The following DPYD variants were observed in gnomAD, a reference collection of about 807,000 sequenced individuals.
DPYD encodes the protein dihydropyrimidine dehydrogenase [NADP(+)].
Under a neutral mutation model 116.2 loss-of-function variants are expected in DPYD, and 109 were observed. The ratio of observed to expected loss-of-function variants is 0.94; its 90% CI spans 0.80 to 1.10. The LOEUF (loss-of-function observed/expected upper bound fraction) is 1.10, where lower values mean the gene tolerates loss of function less well. Ranked by LOEUF, DPYD falls within the 50% of genes least tolerant of loss-of-function variation. The probability of loss-of-function intolerance (pLI) is 0.00; values close to 1 mark genes in which losing one functional copy is unlikely to be tolerated. For synonymous variants in DPYD, 440 were observed against 432.0 expected (o/e 1.02, Z -0.23); for missense variants, 1,302 against 1,254.5 (o/e 1.04, Z -0.57).
intron 18 of DPYD, among the ~76,000 whole-genome samples, chr1:97,260,820 T>C (rs967240033): frequency 6.6e-6 from 1 of 152,090 alleles, no homozygotes; most frequent in Admixed American, 6.6e-5. Context: ...CATAACTATA[T>C]AATGTACGAA....
chr1:97,135,629 T>C (rs1178484194), intron 20 of DPYD, among the ~76,000 whole-genome samples: 2 of 152,210 alleles, frequency 1.3e-5, no homozygotes, highest in African/African-American at 4.8e-5. Context: ...CCTGTGTTCC[T>C]CATTTGACCC....
At chr1:97,161,508 A>G (rs1378805719) in intron 20 of DPYD, among the ~76,000 whole-genome samples, 2 of 152,150 alleles carry the variant, frequency 1.3e-5, no homozygotes, top group Non-Finnish European at 2.9e-5. Flanking sequence ...TATACTTGGA[A>G]TATACAGAGA....
At chr1:97,173,495 T>C (rs544042982) in intron 20 of DPYD, among the ~76,000 whole-genome samples, 180 of 150,638 alleles carry the variant, frequency 1.2e-3, no homozygotes, top group African/African-American at 4.1e-3. Context: ...TATACACGCA[T>C]ATATAAAATA....
At chr1:97,697,635 A>G (rs540425674) in intron 6 of DPYD, among the ~76,000 whole-genome samples, 1 of 152,066 alleles carries the variant, frequency 6.6e-6, no homozygotes, top group Admixed American at 6.5e-5. Context: ...ACAACTTTAA[A>G]AGAAAAACCA....
intron 14 of DPYD, among the ~76,000 whole-genome samples, chr1:97,395,296 T>C (rs1434548095): frequency 6.6e-6 from 1 of 151,942 alleles, no homozygotes; most frequent in Admixed American, 6.6e-5. Context: ...AAGTACATTT[T>C]ATATCAAAAA....
chr1:97,456,468 G>C (rs1319051255), intron 13 of DPYD, among the ~76,000 whole-genome samples: 2 of 151,958 alleles, frequency 1.3e-5, no homozygotes, highest in African/African-American at 2.4e-5. Flanking sequence ...TCATATGATA[G>C]AATATAGCTC....
chr1:97,501,368 T>C (rs2101931450), intron 13 of DPYD, among the ~76,000 whole-genome samples: 1 of 151,950 alleles, frequency 6.6e-6, no homozygotes, highest in East Asian at 1.9e-4. Flanking sequence ...GTAACTTGAG[T>C]AAATTTTCAA....
chr1:97,856,977 A>T (rs1670876874), intron 2 of DPYD, among the ~76,000 whole-genome samples: 1 of 152,176 alleles, frequency 6.6e-6, no homozygotes. Context: ...GCTATTACAA[A>T]GGGATCCCCA....
chr1:97,715,469 G>T (rs1341614062), intron 5 of DPYD, among the ~76,000 whole-genome samples: 1 of 152,080 alleles, frequency 6.6e-6, no homozygotes, highest in African/African-American at 2.4e-5. Context: ...TAGTAAAGAA[G>T]CAGTCTACAA....
chr1:97,598,407 G>A (rs996043131), intron 8 of DPYD, among the ~76,000 whole-genome samples: 1 of 152,166 alleles, frequency 6.6e-6, no homozygotes, highest in Admixed American at 6.5e-5. Context: ...GAATAAAGAT[G>A]AATTGACAAA....
chr1:97,835,025 C>T lies in DPYD; in HGVS notation c.151-6829G>A, dbSNP rs940019772. On this transcript the variant is annotated intron_variant, in intron 2 of 22. Coordinates refer to ENST00000370192, the MANE Select transcript of DPYD (RefSeq NM_000110.4). ...TTTGGTGTGTCTTAACTAGTCTAAT[C>T]CTTTCAGGGAACATTAAGAGGTAAT... Among the ~76,000 whole-genome samples the T allele has an allele frequency of 5.3e-5, 8 of 152,060 alleles. No individual in the cohort carries two copies. In the East Asian group the frequency reaches 1.5e-3, roughly 29 times the overall value.
Position 97,323,464 on chromosome 1 carries a change from CAT to C in DPYD, c.2059-17169_2059-17168del, listed in dbSNP as rs1280869707. On this transcript the variant is annotated intron_variant, in intron 16 of 22. Coordinates refer to ENST00000370192, the MANE Select transcript of DPYD (RefSeq NM_000110.4). ...TACACGTATATACATATCATATATA[CAT>C]ATATGTGTATATATACACGTATATA... 6.9e-5 allele frequency among the ~76,000 whole-genome samples: 9 copies of C among 130,240 alleles called. No homozygotes were observed. In the East Asian group the frequency reaches 8.9e-4, roughly 13 times the overall value. 85.4% of individuals were successfully genotyped at this position (130,240 alleles called of 152,430 possible). A position where few individuals can be genotyped will look rare whatever the true frequency, so the allele number is the denominator to read the frequency against.
intron 21 of DPYD, among the ~76,000 whole-genome samples, chr1:97,086,702 G>GA (rs1462652202): frequency 1.3e-5 from 2 of 151,846 alleles, no homozygotes; most frequent in South Asian, 2.1e-4. Context: ...AAAGTAGAAA[G>GA]AAAAATCATA....
intron 20 of DPYD, among the ~76,000 whole-genome samples, chr1:97,115,172 A>G (rs559914428): frequency 1.3e-5 from 2 of 152,276 alleles, no homozygotes; most frequent in South Asian, 4.1e-4. Context: ...GAGGAGGCTC[A>G]CTCTTCACTT....
At chr1:97,506,237 A>G (rs769622909) in intron 13 of DPYD, among the ~76,000 whole-genome samples, 6 of 152,000 alleles carry the variant, frequency 3.9e-5, no homozygotes, top group African/African-American at 4.8e-5. Flanking sequence ...ATTTAAAATG[A>G]GTATAAAGAA....
intron 20 of DPYD, among the ~76,000 whole-genome samples, chr1:97,160,920 C>T (rs768034223): frequency 4.6e-5 from 7 of 152,102 alleles, no homozygotes; most frequent in Non-Finnish European, 8.8e-5. Context: ...TTCAGGATAG[C>T]CTTAGTTAAC....
chr1:97,870,363 G>T (rs1333624825), intron 2 of DPYD, among the ~76,000 whole-genome samples: 2 of 151,818 alleles, frequency 1.3e-5, no homozygotes, highest in Admixed American at 6.6e-5. Flanking sequence ...ACAAAAATAT[G>T]AAATGCAGTT....
At chr1:97,179,580 C>T (rs1438021303) in intron 20 of DPYD, among the ~76,000 whole-genome samples, 1 of 152,150 alleles carries the variant, frequency 6.6e-6, no homozygotes, top group Non-Finnish European at 1.5e-5. Flanking sequence ...AAACAATCCA[C>T]AGCAGACTGG....
chr1:97,153,876 A>C (rs914026849), intron 20 of DPYD, among the ~76,000 whole-genome samples: 1 of 152,012 alleles, frequency 6.6e-6, no homozygotes, highest in Non-Finnish European at 1.5e-5. Context: ...ATGGCCAACA[A>C]GCATATGGAA....
Sources: allele counts gnomAD v4.1 joint callset (sites outside exome capture counted in the v4.1 genomes callset), GRCh38; gene constraint gnomAD v4.1.1; transcripts MANE v1.5; gene names NCBI Gene and HGNC (gene_info 2026-07-23, HGNC 2026-07-21).